Variants in SMURF1 observed in about 807,000 individuals in gnomAD.
The protein encoded by SMURF1 is E3 ubiquitin-protein ligase SMURF1.
A neutral mutation model predicts 98.0 loss-of-function variants in SMURF1; 44 were observed. The observed-to-expected ratio is 0.45, with a 90% confidence interval of 0.35 to 0.58. SMURF1 has a LOEUF of 0.58. SMURF1 is among the 20% of genes least tolerant of loss of function. The pLI, the probability that SMURF1 is intolerant of heterozygous loss-of-function variation, is 0.00. For missense variants in SMURF1, 687 were observed against 938.4 expected (o/e 0.73, Z 3.50); for synonymous variants, 396 against 374.9 (o/e 1.06, Z -0.65).
intron 17 of SMURF1, 59 bp downstream of exon 17, chr7:99,032,973 AACGTG>A: frequency 3.9e-6 from 6 of 1,535,862 alleles, no homozygotes; most frequent in African/African-American, 1.4e-5. Context: ...ACAAAAAAAA[AACGTG>A]AACGTCAGCA....
intron 1 of SMURF1, among the ~76,000 whole-genome samples, chr7:99,071,184 CT>C (rs1172563620): frequency 1.3e-5 from 2 of 152,002 alleles, no homozygotes; most frequent in African/African-American, 4.8e-5. Context: ...CTCAGCCCCC[CT>C]AGTAGCTGGG....
chr7:99,142,226 T>C (rs541252679), intron 1 of SMURF1, among the ~76,000 whole-genome samples: 7 of 152,308 alleles, frequency 4.6e-5, no homozygotes, highest in East Asian at 1.9e-4. Flanking sequence ...GGACTTTTCA[T>C]TGAAGACAAA....
At chr7:99,081,623 C>T (rs1796578986) in intron 1 of SMURF1, among the ~76,000 whole-genome samples, 1 of 152,164 alleles carries the variant, frequency 6.6e-6, no homozygotes, top group African/African-American at 2.4e-5. Context: ...AATTTCACCA[C>T]ATTCTAGCCA....
rs988029156 is a variant in SMURF1 at position 99,045,774 on chromosome 7, G to A, written c.1180C>T (p.Arg394Ter). ...EESYRQIMKM[R>*]PKDLKKRLMV... ...AGCCGTTTTTTCAAGTCTTTCGGTC[G>A]CATCTTCATTATCTGGCGGTAAGAC... The change falls in exon 11 of 18, where the codon CGA (arginine) becomes TGA (stop). Residue 394 changes from arginine to a stop codon, truncating the protein, a stop_gained. Coordinates refer to ENST00000361368, the MANE Select transcript of SMURF1 (RefSeq NM_181349.3). LOFTEE classifies it high-confidence loss of function. The A allele has an allele frequency of 4.3e-6, 7 of 1,614,032 alleles. No individual in the cohort carries two copies. The highest frequency in any genetic ancestry group is 5.1e-6 in the Non-Finnish European group (6 of 1,179,910).
At chr7:99,111,998 G>A (rs1797334687) in intron 1 of SMURF1, among the ~76,000 whole-genome samples, 1 of 152,112 alleles carries the variant, frequency 6.6e-6, no homozygotes, top group South Asian at 2.1e-4. Context: ...AACATTTAAT[G>A]TACTCATTGC....
chr7:99,137,617 GC>G (rs1798022582), intron 1 of SMURF1, among the ~76,000 whole-genome samples: 2 of 152,210 alleles, frequency 1.3e-5, no homozygotes, highest in Non-Finnish European at 1.5e-5. Context: ...GCATCACCCA[GC>G]AGCCAGGAGG....
At chr7:99,045,652 G>A (rs767452591) in intron 11 of SMURF1, 46 bp downstream of exon 11, 2 of 1,481,698 alleles carry the variant, frequency 1.3e-6, no homozygotes, top group Non-Finnish European at 1.9e-6. Flanking sequence ...CTCTTGAAAA[G>A]ACTGAGATCC....
At chr7:99,071,933 G>A (rs1452020934) in intron 1 of SMURF1, among the ~76,000 whole-genome samples, 1 of 151,780 alleles carries the variant, frequency 6.6e-6, no homozygotes, top group Non-Finnish European at 1.5e-5. Flanking sequence ...ATAGAAATTA[G>A]CCAGTTCAGT....
chr7:99,038,559 ACT>A lies in SMURF1; in HGVS notation c.1551-36_1551-35del, dbSNP rs760577948. On this transcript the variant is annotated intron_variant, in intron 13 of 17. Coordinates refer to ENST00000361368, the MANE Select transcript of SMURF1 (RefSeq NM_181349.3). ...ATAAGACAGAAGGATGTAGGTTAGA[ACT>A]CTGCCACCACGCGGGGCCATTGGGT... 8 of 1,602,192 alleles carry A rather than the reference ACT, an allele frequency of 5.0e-6. No homozygotes were observed. In the African/African-American group the frequency reaches 8.1e-5, roughly 16 times the overall value.
At chr7:99,135,787 T>C (rs551565542) in intron 1 of SMURF1, among the ~76,000 whole-genome samples, 51 of 152,314 alleles carry the variant, frequency 3.3e-4, no homozygotes, top group Middle Eastern at 3.4e-3. Context: ...TCAAAGAGCA[T>C]AAACATTTAT....
At chr7:99,132,699 G>GACAC (rs113194877) in intron 1 of SMURF1, among the ~76,000 whole-genome samples, 48,778 of 147,164 alleles carry the variant, frequency 0.33, 7,943 homozygotes, top group South Asian at 0.44. Context: ...CAGACACACG[G>GACAC]ACACACACAC....
intron 3 of SMURF1, among the ~76,000 whole-genome samples, chr7:99,058,132 TA>T (rs1288841596): frequency 6.6e-6 from 1 of 152,072 alleles, no homozygotes; most frequent in East Asian, 1.9e-4. Context: ...TATTTTTATT[TA>T]TTTTTTTATT....
rs753125253 is a variant in SMURF1 at position 99,035,525 on chromosome 7, C to G, written c.2001G>C (p.Lys667Asn). The change falls in exon 16 of 18, where the codon AAG becomes AAC. Residue 667 changes from lysine to asparagine, a missense_variant. Lys to Asn is a moderately conservative substitution (Grantham distance 94). Transcript: ENST00000361368. ...GSTRVPLQGF[K>N]ALQGSTGAAG... ...CTCCACGTCAGTCACCTTGCAAAGC[C>G]TTGAAGCCTTGGAGCGGGACTCGCG... 1.2e-6 allele frequency: 2 copies of G among 1,614,198 alleles called. No individual in the cohort carries two copies. Among genetic ancestry groups the G allele is most frequent in the South Asian group, 1.1e-5 (1 of 91,082 alleles).
At chr7:99,122,745 C>CTTTTT (rs373204946) in intron 1 of SMURF1, among the ~76,000 whole-genome samples, 1 of 112,396 alleles carries the variant, frequency 8.9e-6, no homozygotes, top group African/African-American at 3.5e-5. Context: ...TTCTTTCTTT[C>CTTTTT]TTTTTTTTTT....
At chr7:99,081,556 T>G (rs1207899945) in intron 1 of SMURF1, 1 of 152,240 alleles carries the variant, frequency 6.6e-6, no homozygotes, top group Non-Finnish European at 1.5e-5. Flanking sequence ...ACTGTCAAAG[T>G]GTTTTCCAAA....
In SMURF1 at chr7:99,122,875, T is replaced by C. The variant is rs555371705; in HGVS notation, c.55+20851A>G. The stretch of plus-strand genomic sequence containing the variant: ...TCGAAGATCAAATAATTGTCTATAG[T>C]AGCAAATCCTCTCAACTTGGTTCAT... On this transcript the variant is annotated intron_variant, in intron 1 of 17. Transcript: ENST00000361368. Among the ~76,000 whole-genome samples the C allele has an allele frequency of 2.0e-5, 3 of 151,236 alleles. No individual in the cohort carries two copies. In the East Asian group the frequency reaches 5.9e-4, roughly 30 times the overall value.
chr7:99,075,877 T>C (rs1796443700), intron 1 of SMURF1, among the ~76,000 whole-genome samples: 2 of 152,222 alleles, frequency 1.3e-5, no homozygotes, highest in Admixed American at 6.5e-5. Flanking sequence ...TCAGTTGACA[T>C]GGGTCTATAT....
intron 1 of SMURF1, among the ~76,000 whole-genome samples, chr7:99,079,326 G>A (rs1297912608): frequency 6.6e-6 from 1 of 152,232 alleles, no homozygotes; most frequent in East Asian, 1.9e-4. Context: ...CAGGCTGGCA[G>A]GTGACTGAAG....
intron 1 of SMURF1, among the ~76,000 whole-genome samples, chr7:99,065,018 A>G (rs1430785825): frequency 6.6e-6 from 1 of 152,086 alleles, no homozygotes; most frequent in African/African-American, 2.4e-5. Flanking sequence ...GAAAATTTTT[A>G]CCTATTTACA....
Sources: gnomAD v4.1 joint callset for allele counts (sites outside exome capture counted in the v4.1 genomes callset) on GRCh38, gnomAD v4.1.1 for gene constraint, MANE v1.5 for transcripts, NCBI Gene and HGNC (gene_info 2026-07-23, HGNC 2026-07-21) for gene names.